Variants in SORBS2 observed in about 807,000 individuals in gnomAD.
SORBS2 encodes the protein sorbin and SH3 domain containing 2.
In SORBS2, 46 loss-of-function variants were observed where a neutral mutation model predicts 97.7. The observed-to-expected ratio is 0.47, with a 90% confidence interval of 0.37 to 0.60. SORBS2 has a LOEUF of 0.60. SORBS2 is among the 20% of genes least tolerant of loss of function. The pLI is 0.00. For missense variants in SORBS2, 1,316 were observed against 1,282.3 expected (o/e 1.03, Z -0.40); for synonymous variants, 476 against 473.4 (o/e 1.01, Z -0.07).
intron 1 of SORBS2, among the ~76,000 whole-genome samples, chr4:185,806,434 CTAT>C (rs2099154042): frequency 9.2e-6 from 1 of 108,148 alleles, no homozygotes; most frequent in African/African-American, 3.7e-5. Context: ...GGCTAGAATC[CTAT>C]TTTTTTTTTT....
chr4:185,718,099 C>T (rs375026345), intron 2 of SORBS2, among the ~76,000 whole-genome samples: 21 of 152,088 alleles, frequency 1.4e-4, no homozygotes, highest in Non-Finnish European at 2.4e-4. Flanking sequence ...GGTGTGGTGG[C>T]GGGCGCCTAT....
Position 185,721,558 on chromosome 4 carries a change from T to C in SORBS2, c.-197-42736A>G, listed in dbSNP as rs115625221. 4.8e-3 allele frequency among the ~76,000 whole-genome samples: 730 copies of C among 152,280 alleles called. 11 individuals carry two copies. Among genetic ancestry groups the C allele is most frequent in the African/African-American group, 0.017 (699 of 41,542 alleles). On this transcript the variant is annotated intron_variant, in intron 2 of 20. Transcript: ENST00000284776. ...AGCCCAAGAAAGTCAGAGCCCCTCC[T>C]TTTCGTCACATTCAGTTGGAATTTT...
At chr4:185,619,023 A>C (rs1034867429) in intron 8 of SORBS2, among the ~76,000 whole-genome samples, 2 of 152,240 alleles carry the variant, frequency 1.3e-5, no homozygotes, top group Non-Finnish European at 2.9e-5. Flanking sequence ...TCATAATAAA[A>C]GGACCAGATG....
chr4:185,720,817 G>A (rs2098506785), intron 2 of SORBS2, among the ~76,000 whole-genome samples: 2 of 152,124 alleles, frequency 1.3e-5, no homozygotes, highest in Non-Finnish European at 2.9e-5. Context: ...TTCACCCCTT[G>A]AAATGAGGCC....
intron 1 of SORBS2, among the ~76,000 whole-genome samples, chr4:185,797,334 C>T (rs1266218269): frequency 2.0e-5 from 3 of 152,208 alleles, no homozygotes; most frequent in African/African-American, 4.8e-5. Context: ...TCGACACTAT[C>T]ATTTCGTAAT....
chr4:185,644,413 T>A (rs2097176129), intron 4 of SORBS2, among the ~76,000 whole-genome samples: 1 of 152,208 alleles, frequency 6.6e-6, no homozygotes, highest in African/African-American at 2.4e-5. Flanking sequence ...TATTGTAAAT[T>A]AGCCAATAAA....
In SORBS2 at chr4:185,707,513, GTT is replaced by G. The variant is rs5864953; in HGVS notation, c.-197-28693_-197-28692del. ...TAAGACAAATGTCATAAACATCTTT[GTT>G]TTTTTTTTTTATCATGGGTACAAGG... is the stretch of plus-strand genomic sequence containing the variant. On this transcript the variant is annotated intron_variant, in intron 2 of 20. Coordinates refer to the SORBS2 transcript ENST00000284776. 1.4e-3 allele frequency among the ~76,000 whole-genome samples: 214 copies of G among 148,480 alleles called. 1 individual carries two copies. The highest frequency in any genetic ancestry group is 4.0e-3 in the African/African-American group (159 of 40,238).
chr4:185,630,558 C>A, exon 5 of SORBS2: 1 of 1,587,734 alleles, frequency 6.3e-7, no homozygotes, highest in South Asian at 1.1e-5. Context: ...CCTCATGGGT[C>A]TTTCCAGGCT....
At chr4:185,879,545 T>C (rs187030233) in intron 1 of SORBS2, among the ~76,000 whole-genome samples, 152 of 152,320 alleles carry the variant, frequency 1.0e-3, no homozygotes, top group African/African-American at 3.6e-3. Context: ...AGTAATGGGA[T>C]AGCTGGGTCA....
chr4:185,785,998 G>A (rs2030146), intron 1 of SORBS2, among the ~76,000 whole-genome samples: 60,804 of 151,918 alleles, frequency 0.4, 12,825 homozygotes, highest in Non-Finnish European at 0.47. Context: ...ACATTACACG[G>A]AAAAAAATTA....
chr4:185,601,800 G>T (rs746809121), intron 12 of SORBS2, among the ~76,000 whole-genome samples: 1 of 151,904 alleles, frequency 6.6e-6, no homozygotes, highest in Non-Finnish European at 1.5e-5. Context: ...GTTGAAAACC[G>T]TGCGCCGGGG....
intron 4 of SORBS2, among the ~76,000 whole-genome samples, chr4:185,643,873 A>G (rs1046718206): frequency 9.2e-5 from 14 of 152,180 alleles, no homozygotes; most frequent in Admixed American, 5.9e-4. Flanking sequence ...AGCGCTGGCC[A>G]TCGCTGCGAC....
intron 1 of SORBS2, among the ~76,000 whole-genome samples, chr4:185,908,562 G>A (rs147088362): frequency 4.4e-4 from 67 of 151,722 alleles, no homozygotes; most frequent in African/African-American, 1.1e-3. Flanking sequence ...TCTGTCTGTC[G>A]AGTAAACTCA....
chr4:185,838,025 G>C (rs1218080245), intron 1 of SORBS2, among the ~76,000 whole-genome samples: 1 of 152,214 alleles, frequency 6.6e-6, no homozygotes, highest in African/African-American at 2.4e-5. Flanking sequence ...TGTCCCTACT[G>C]AAGTTCTACA....
intron 1 of SORBS2, among the ~76,000 whole-genome samples, chr4:185,797,456 TTC>T (rs554137950): frequency 2.2e-4 from 33 of 152,314 alleles, no homozygotes; most frequent in African/African-American, 7.9e-4. Context: ...TTCTCTCTCT[TTC>T]TCTCTTTTTC....
At chr4:185,810,078 A>G (rs748051753) in intron 1 of SORBS2, among the ~76,000 whole-genome samples, 1 of 152,230 alleles carries the variant, frequency 6.6e-6, no homozygotes, top group Non-Finnish European at 1.5e-5. Flanking sequence ...AAGTCTGTTC[A>G]TTTAGCTTTC....
intron 2 of SORBS2, among the ~76,000 whole-genome samples, chr4:185,751,662 C>T (rs185473869): frequency 9.2e-5 from 14 of 152,008 alleles, no homozygotes; most frequent in East Asian, 1.9e-4. Context: ...TGTGTGCACA[C>T]GTACACATGA....
At chr4:185,789,271 CATGAGAA>C (rs2099069983) in intron 1 of SORBS2, among the ~76,000 whole-genome samples, 1 of 152,116 alleles carries the variant, frequency 6.6e-6, no homozygotes, top group South Asian at 2.1e-4. Flanking sequence ...TTCCATTTTC[CATGAGAA>C]ATGAGACTGC....
chr4:185,613,530 C>T (rs1015145235), intron 11 of SORBS2, among the ~76,000 whole-genome samples: 4 of 151,590 alleles, frequency 2.6e-5, no homozygotes, highest in African/African-American at 9.7e-5. Context: ...CACCTGTAGT[C>T]CCAGCTAATC....
Sources: allele counts gnomAD v4.1 joint callset (sites outside exome capture counted in the v4.1 genomes callset), GRCh38; gene constraint gnomAD v4.1.1; transcripts MANE v1.5; gene names NCBI Gene and HGNC (gene_info 2026-07-23, HGNC 2026-07-21).